PITPNC1: variants seen among roughly 807,000 people sequenced by gnomAD.
PITPNC1 encodes phosphatidylinositol transfer protein cytoplasmic 1.
Under a neutral mutation model 44.7 loss-of-function variants are expected in PITPNC1, and 18 were observed. The observed-to-expected ratio is 0.40, with a 90% CI of 0.28 to 0.60. PITPNC1 has a LOEUF of 0.60. Ranked by LOEUF, PITPNC1 falls within the 20% of genes least tolerant of loss-of-function variation. The probability of loss-of-function intolerance (pLI) is 0.39; values close to 1 mark genes in which losing one functional copy is unlikely to be tolerated. For missense variants in PITPNC1, 290 were observed against 418.4 expected, an observed-to-expected ratio of 0.69 and a Z score of 2.68; for synonymous variants, 141 against 149.6, an observed-to-expected ratio of 0.94 and a Z score of 0.42.
At chr17:67,637,761 G>T (rs2042049676) in intron 6 of PITPNC1, 1 of 151,290 alleles carries the variant, frequency 6.6e-6, no homozygotes, top group Admixed American at 6.6e-5. Context: ...TTTTTGCTGT[G>T]TTGCTGTTTC....
intron 6 of PITPNC1, among the ~76,000 whole-genome samples, chr17:67,639,752 A>G (rs1364069542): frequency 6.6e-6 from 1 of 152,196 alleles, no homozygotes; most frequent in East Asian, 1.9e-4. Context: ...CTGTTAAGGG[A>G]GAGAGAACAG....
Position 67,422,991 on chromosome 17 carries a change from A to AT in PITPNC1, c.48+44802dup, listed in dbSNP as rs539782599. On this transcript the variant is annotated intron_variant, in intron 1 of 8. Coordinates refer to ENST00000581322, the MANE Select transcript of PITPNC1 (RefSeq NM_012417.4). ...ACTCCCAAGAGTTCAGTATGCTAGC[A>AT]TTTTTTTTTTTTTAACATGAGGAAG... Among the ~76,000 whole-genome samples the AT allele has an allele frequency of 4.4e-3, 628 of 144,050 alleles. 4 individuals are homozygous for AT. The highest frequency in any genetic ancestry group is 0.012 in the African/African-American group (483 of 39,456). 94.5% of individuals were successfully genotyped at this position (144,050 alleles called of 152,430 possible).
intron 1 of PITPNC1, among the ~76,000 whole-genome samples, chr17:67,493,867 A>C (rs889891750): frequency 7.9e-5 from 12 of 152,236 alleles, no homozygotes; most frequent in African/African-American, 2.7e-4. Context: ...AATAACCACA[A>C]ACCTGACACC....
intron 5 of PITPNC1, among the ~76,000 whole-genome samples, chr17:67,603,342 A>G (rs569545957): frequency 6.6e-5 from 10 of 152,340 alleles, no homozygotes; most frequent in African/African-American, 2.2e-4. Flanking sequence ...GATGGCAGCC[A>G]TGTGGATATT....
chr17:67,423,440 A>G (rs1448927440), intron 1 of PITPNC1, among the ~76,000 whole-genome samples: 1 of 152,182 alleles, frequency 6.6e-6, no homozygotes, highest in Non-Finnish European at 1.5e-5. Flanking sequence ...TCTAAAGGCA[A>G]GGATGTGGGC....
At position 67,535,355 on chromosome 17, in the gene PITPNC1, CAA is replaced by C. The variant is rs2040513734; in HGVS notation, c.197+2407_197+2408del. ...CTCCTCGGGGATCACCTCTGCAGGG[CAA>C]AGAGAAGTGAGGAAGATGCCAGAAA... On this transcript the variant is annotated intron_variant, in intron 2 of 8. Transcript: ENST00000581322. 2.6e-5 allele frequency among the ~76,000 whole-genome samples: 4 copies of C among 152,120 alleles called. No homozygotes were observed. The South Asian group carries it at 8.3e-4, about 31-fold the overall frequency.
At chr17:67,605,070 T>C (rs2041591884) in intron 5 of PITPNC1, among the ~76,000 whole-genome samples, 3 of 151,998 alleles carry the variant, frequency 2.0e-5, no homozygotes, top group Admixed American at 2.0e-4. Flanking sequence ...CAGGGTGAGA[T>C]TCTGTCTCAA....
At chr17:67,470,579 G>T (rs1021409539) in intron 1 of PITPNC1, among the ~76,000 whole-genome samples, 3 of 152,102 alleles carry the variant, frequency 2.0e-5, no homozygotes, top group East Asian at 1.9e-4. Context: ...AGGGAGGTGG[G>T]GGGGGTCAGC....
At chr17:67,677,756 G>T (rs2042629214) in intron 8 of PITPNC1, among the ~76,000 whole-genome samples, 1 of 151,786 alleles carries the variant, frequency 6.6e-6, no homozygotes, top group South Asian at 2.1e-4. Flanking sequence ...CTTTTTAGTA[G>T]AGATGGGGTT....
At chr17:67,575,008 C>T (rs966079814) in intron 4 of PITPNC1, among the ~76,000 whole-genome samples, 20 of 151,910 alleles carry the variant, frequency 1.3e-4, no homozygotes, top group Admixed American at 1.0e-3. Flanking sequence ...GGGTTTAATA[C>T]GCAAATGCTA....
At chr17:67,538,567 T>C (rs1041383780) in intron 2 of PITPNC1, among the ~76,000 whole-genome samples, 1 of 152,142 alleles carries the variant, frequency 6.6e-6, no homozygotes, top group Admixed American at 6.6e-5. Flanking sequence ...GCCACTGCAC[T>C]CCAGCCTGGG....
At chr17:67,682,841 C>G (rs904095725) in intron 8 of PITPNC1, among the ~76,000 whole-genome samples, 1 of 152,140 alleles carries the variant, frequency 6.6e-6, no homozygotes, top group African/African-American at 2.4e-5. Flanking sequence ...AATGTATTTG[C>G]AAAGTAATTG....
chr17:67,689,066 G>A (rs1001009208), intron 8 of PITPNC1, among the ~76,000 whole-genome samples: 21 of 152,192 alleles, frequency 1.4e-4, no homozygotes, highest in African/African-American at 5.1e-4. Flanking sequence ...GCTGGGCGTG[G>A]TGGCGCATGC....
At chr17:67,504,714 A>C (rs1454313107) in intron 1 of PITPNC1, among the ~76,000 whole-genome samples, 1 of 152,052 alleles carries the variant, frequency 6.6e-6, no homozygotes, top group East Asian at 1.9e-4. Flanking sequence ...GGTTTTGTTC[A>C]GTTTCTCTGT....
intron 1 of PITPNC1, among the ~76,000 whole-genome samples, chr17:67,378,566 C>G (rs2037906442): frequency 6.6e-6 from 1 of 152,142 alleles, no homozygotes; most frequent in Non-Finnish European, 1.5e-5. Flanking sequence ...GGGGGGCATC[C>G]CGTCCTGGCC....
intron 1 of PITPNC1, among the ~76,000 whole-genome samples, chr17:67,434,943 T>C (rs2038914602): frequency 1.3e-5 from 2 of 151,208 alleles, no homozygotes; most frequent in Non-Finnish European, 2.9e-5. Flanking sequence ...ACCCCGTCTA[T>C]ACTAAAAATA....
intron 5 of PITPNC1, among the ~76,000 whole-genome samples, chr17:67,604,809 A>G (rs9903920): frequency 0.034 from 5,101 of 150,784 alleles, 143 homozygotes; most frequent in Middle Eastern, 0.086. Flanking sequence ...ATGACTGGGC[A>G]TGGCTCACAT....
chr17:67,591,910 G>A (rs1046236307), intron 5 of PITPNC1, among the ~76,000 whole-genome samples: 4 of 147,012 alleles, frequency 2.7e-5, no homozygotes, highest in East Asian at 4.0e-4. Flanking sequence ...TGGGCATCTC[G>A]CTGTGTTGCC....
At chr17:67,549,849 C>T (rs1487745299) in intron 2 of PITPNC1, among the ~76,000 whole-genome samples, 2 of 152,126 alleles carry the variant, frequency 1.3e-5, no homozygotes, top group African/African-American at 4.8e-5. Context: ...GCCTGGCTTA[C>T]GTGAGGGAGA....
Sources: allele counts gnomAD v4.1 joint callset (sites outside exome capture counted in the v4.1 genomes callset), GRCh38; gene constraint gnomAD v4.1.1; transcripts MANE v1.5; gene names NCBI Gene and HGNC (gene_info 2026-07-23, HGNC 2026-07-21).